The following EXOG variants were observed in gnomAD, a reference collection of about 807,000 sequenced individuals.
The protein encoded by EXOG is nuclease EXOG, mitochondrial.
Under a neutral mutation model 25.8 loss-of-function variants are expected in EXOG, and 27 were observed. The observed-to-expected ratio is 1.05, with a 90% CI of 0.77 to 1.45. The LOEUF (loss-of-function observed/expected upper bound fraction) is 1.45. Among genes scored for constraint, EXOG ranks in the 40% most tolerant of loss-of-function variants. The pLI is 0.00. For missense variants in EXOG, 458 were observed against 450.5 expected (o/e 1.02, Z -0.15); for synonymous variants, 133 against 167.0 (o/e 0.80, Z 1.57).
In EXOG at chr3:38,508,648, T is replaced by C. The variant is rs183879346; in HGVS notation, c.645+1680T>C. ...AAGTAGATATTTAATAAATGCTGGT[T>C]AGGTAAATGATTACTTAAGTCTGTG... On this transcript the variant is annotated intron_variant, in intron 5 of 5. Transcript: ENST00000287675. Among the ~76,000 whole-genome samples, 314 of 151,662 alleles carry C rather than the reference T, an allele frequency of 2.1e-3. 2 individuals are homozygous for C. The highest frequency in any genetic ancestry group is 6.1e-3 in the African/African-American group (251 of 41,270).
chr3:38,522,209 G>T (rs138588043), intron 5 of EXOG, among the ~76,000 whole-genome samples: 16 of 152,348 alleles, frequency 1.1e-4, no homozygotes, highest in Non-Finnish European at 2.2e-4. Flanking sequence ...ATGTGTGACA[G>T]ACAGCAGATG....
At chr3:38,497,396 G>T in intron 1 of EXOG, 1 of 1,274,870 alleles carries the variant, frequency 7.8e-7, no homozygotes, top group Non-Finnish European at 9.9e-7. Flanking sequence ...TGCAGTAGCT[G>T]CATTTTATTC....
intron 2 of EXOG, among the ~76,000 whole-genome samples, chr3:38,499,318 C>T (rs57091528): frequency 2.1e-3 from 320 of 152,278 alleles, no homozygotes; most frequent in Middle Eastern, 0.01. Context: ...CTAGAGTGCA[C>T]AGCAACCAGC....
intron 5 of EXOG, among the ~76,000 whole-genome samples, chr3:38,509,906 C>T (rs1420322255): frequency 6.6e-6 from 1 of 152,144 alleles, no homozygotes; most frequent in Non-Finnish European, 1.5e-5. Flanking sequence ...ATTTTGCACA[C>T]ATCACCATAA....
Position 38,497,665 on chromosome 3 carries a change from T to C in EXOG, c.200T>C (p.Phe67Ser), listed in dbSNP as rs1426820462. 2 of 1,599,394 alleles carry C rather than the reference T, an allele frequency of 1.3e-6. No individual in the cohort carries two copies. The highest frequency in any genetic ancestry group is 3.6e-5 in the Admixed American group (2 of 55,912). The change falls in exon 2 of 6, where the codon TTC becomes TCC. Residue 67 changes from phenylalanine (F) to serine (S), a missense_variant. By Grantham distance (155) the Phe-to-Ser change is radical. Around this residue, in one of 3 missense-constraint regions of EXOG, gnomAD observed 275 missense variants for 230.5 expected, o/e 1.19. Transcript: ENST00000287675. ...AAGGCTGTCTTGGAACAATTTGGAT[T>C]CCCTTTAACTGGAACAGAGGCAAGG... ...AEKAVLEQFGFPLTGTEARCY... is the reference protein window; with the variant it reads ...AEKAVLEQFGSPLTGTEARCY...
At chr3:38,504,820 G>T (rs931820197) in intron 4 of EXOG, among the ~76,000 whole-genome samples, 1 of 152,064 alleles carries the variant, frequency 6.6e-6, no homozygotes, top group Non-Finnish European at 1.5e-5. Flanking sequence ...GCTTCTTTAT[G>T]CATCTAAAAC....
At chr3:38,503,522 A>G in intron 3 of EXOG, 93 bp from the exon 4 acceptor site, 2 of 704,012 alleles carry the variant, frequency 2.8e-6, no homozygotes, top group Non-Finnish European at 2.5e-6. Context: ...ACTAATGTTT[A>G]AATAAGAAAG....
At chr3:38,496,806 C>T in intron 1 of EXOG, 1 of 1,435,536 alleles carries the variant, frequency 7.0e-7, no homozygotes, top group Non-Finnish European at 9.2e-7. Context: ...TTACTCATCG[C>T]GATATCTATG....
intron 5 of EXOG, among the ~76,000 whole-genome samples, chr3:38,508,711 A>AACCCCCCC (rs2060275986): frequency 7.6e-6 from 1 of 132,268 alleles, no homozygotes; most frequent in Non-Finnish European, 1.6e-5. Context: ...TTGAGGAACC[A>AACCCCCCC]CCCCCCCCCC....
Position 38,525,702 on chromosome 3 carries a change from G to T in EXOG, c.*1340G>T. ...TCAGGCCTATAATCTCAGCACTTTG[G>T]GAAATCGAGGTGGGTGGATCGCTTG... On this transcript the variant is annotated 3_prime_UTR_variant, in exon 6 of 6. Coordinates refer to ENST00000287675, the MANE Select transcript of EXOG (RefSeq NM_005107.4). The T allele has an allele frequency of 1.1e-6, 1 of 884,116 alleles. No homozygotes were observed. Among genetic ancestry groups the T allele is most frequent in the Non-Finnish European group, 1.4e-6 (1 of 737,396 alleles). The allele number at this position is 884,116 out of a possible 1,614,324, so 54.8% of individuals were successfully genotyped here. A position where few individuals can be genotyped will look rare whatever the true frequency, so the allele number is the denominator to read the frequency against.
At chr3:38,514,141 T>C (rs1310156914) in intron 5 of EXOG, among the ~76,000 whole-genome samples, 2 of 152,186 alleles carry the variant, frequency 1.3e-5, no homozygotes, top group Admixed American at 1.3e-4. Flanking sequence ...GCAGGAAATG[T>C]GGATTGTATT....
intron 5 of EXOG, among the ~76,000 whole-genome samples, chr3:38,507,758 G>T (rs1056185843): frequency 6.6e-6 from 1 of 152,112 alleles, no homozygotes; most frequent in Non-Finnish European, 1.5e-5. Context: ...TTGGAGTGAG[G>T]AATAATAGAG....
intron 2 of EXOG, among the ~76,000 whole-genome samples, chr3:38,500,471 C>A (rs1282733919): frequency 4.6e-5 from 7 of 152,090 alleles, no homozygotes; most frequent in East Asian, 3.9e-4. Flanking sequence ...CTGTATTATT[C>A]TTTATAAAGT....
chr3:38,524,238 T>A lies in EXOG; in HGVS notation c.983T>A (p.Ile328Asn). 1 of 1,614,090 alleles carries A rather than the reference T, an allele frequency of 6.2e-7. No homozygotes were observed. Among genetic ancestry groups the A allele is most frequent in the Non-Finnish European group, 8.5e-7 (1 of 1,179,982 alleles). Reference protein sequence around the residue: ...GARSVLRLEKIMENLKNAEIE... With the variant: ...GARSVLRLEKNMENLKNAEIE... ...CGATCAGTGCTCAGACTGGAAAAGA[T>A]CATGGAAAACTTGAAGAATGCAGAG... Residue 328 changes from isoleucine to asparagine, a missense_variant, in exon 6 of 6, where the codon ATC (isoleucine) becomes AAC (asparagine). Coordinates refer to ENST00000287675, the MANE Select transcript of EXOG (RefSeq NM_005107.4).
chr3:38,505,139 G>C (rs1205197397), intron 4 of EXOG, among the ~76,000 whole-genome samples: 1 of 152,120 alleles, frequency 6.6e-6, no homozygotes, highest in Non-Finnish European at 1.5e-5. Flanking sequence ...TTTATAGTCA[G>C]TGTTCAAATT....
intron 3 of EXOG, among the ~76,000 whole-genome samples, 175 bp from the exon 4 acceptor site, chr3:38,503,440 T>C (rs1304728932): frequency 2.0e-5 from 3 of 152,230 alleles, no homozygotes; most frequent in Non-Finnish European, 2.9e-5. Context: ...TGAATAATTA[T>C]TATAAGAGCT....
intron 5 of EXOG, among the ~76,000 whole-genome samples, chr3:38,516,475 A>T (rs1393060301): frequency 6.6e-6 from 1 of 152,190 alleles, no homozygotes; most frequent in Admixed American, 6.5e-5. Context: ...ACATTTTGCC[A>T]CATTTATGCT....
intron 5 of EXOG, among the ~76,000 whole-genome samples, chr3:38,509,797 C>G (rs533798242): frequency 1.3e-5 from 2 of 152,138 alleles, no homozygotes; most frequent in South Asian, 4.1e-4. Flanking sequence ...AGAATACATA[C>G]TCAATAAATA....
At chr3:38,501,243 T>C (rs2125753149) in intron 2 of EXOG, 112 bp from the exon 3 acceptor site, 4 of 803,314 alleles carry the variant, frequency 5.0e-6, no homozygotes, top group Non-Finnish European at 8.5e-6. Flanking sequence ...CAATCCCTAA[T>C]ACTAGCTGCT....
Sources: gnomAD v4.1 joint callset for allele counts (sites outside exome capture counted in the v4.1 genomes callset) on GRCh38, gnomAD v4.1.1 for gene constraint, gnomAD v4.1.1 regional missense constraint, MANE v1.5 for transcripts, NCBI Gene and HGNC (gene_info 2026-07-23, HGNC 2026-07-21) for gene names.